The following CCSER1 variants were observed in gnomAD, a reference collection of about 807,000 sequenced individuals.
The protein encoded by CCSER1 is coiled-coil serine rich protein 1.
Under a neutral mutation model 82.0 loss-of-function variants are expected in CCSER1, and 41 were observed. That is an observed-to-expected ratio of 0.50 (90% CI 0.39 to 0.65). The LOEUF (loss-of-function observed/expected upper bound fraction) is 0.65. Among genes scored for constraint, CCSER1 ranks in the 30% least tolerant of loss-of-function variants. CCSER1 has a pLI of 0.00. For synonymous variants in CCSER1, 414 were observed against 383.9 expected (o/e 1.08, Z -0.92); for missense variants, 1,119 against 1,064.2 (o/e 1.05, Z -0.72).
intron 10 of CCSER1, among the ~76,000 whole-genome samples, chr4:91,193,658 C>T (rs541558164): frequency 2.8e-4 from 43 of 152,204 alleles, no homozygotes; most frequent in African/African-American, 8.7e-4. Context: ...TATTATTGTT[C>T]GATCTTGTCA....
chr4:90,928,932 C>G (rs1158225918), intron 9 of CCSER1, among the ~76,000 whole-genome samples: 1 of 152,048 alleles, frequency 6.6e-6, no homozygotes, highest in Non-Finnish European at 1.5e-5. Flanking sequence ...ATACGGTCTA[C>G]CTGAGGGAAC....
intron 4 of CCSER1, among the ~76,000 whole-genome samples, chr4:90,466,232 G>T (rs1763622473): frequency 6.6e-6 from 1 of 152,196 alleles, no homozygotes. Flanking sequence ...TTTAAAAGCA[G>T]AAAGAATGTT....
chr4:90,810,028 T>C (rs1671542761), intron 7 of CCSER1, among the ~76,000 whole-genome samples: 1 of 152,218 alleles, frequency 6.6e-6, no homozygotes, highest in Non-Finnish European at 1.5e-5. Context: ...TTGTTCCTTG[T>C]CAGCTCAGAT....
At chr4:90,136,406 T>TCCC (rs1456347009) in intron 1 of CCSER1, among the ~76,000 whole-genome samples, 1 of 152,172 alleles carries the variant, frequency 6.6e-6, no homozygotes, top group Non-Finnish European at 1.5e-5. Flanking sequence ...CTACTCTAAT[T>TCCC]CAGCCTTTAT....
intron 7 of CCSER1, among the ~76,000 whole-genome samples, chr4:90,739,052 C>T (rs1251090238): frequency 6.6e-6 from 1 of 152,218 alleles, no homozygotes; most frequent in Non-Finnish European, 1.5e-5. Flanking sequence ...CCATAGCCAC[C>T]ACAGCTGTGA....
At chr4:90,809,889 C>T (rs1233633362) in intron 7 of CCSER1, among the ~76,000 whole-genome samples, 2 of 127,858 alleles carry the variant, frequency 1.6e-5, no homozygotes, top group East Asian at 5.1e-4. Context: ...GATACCCTGT[C>T]TCTAAATAAA....
At chr4:91,175,276 T>C (rs551828143) in intron 10 of CCSER1, among the ~76,000 whole-genome samples, 52 of 152,316 alleles carry the variant, frequency 3.4e-4, no homozygotes, top group Non-Finnish European at 5.9e-4. Flanking sequence ...AGTGCCGTAA[T>C]AAACATATGT....
intron 10 of CCSER1, among the ~76,000 whole-genome samples, chr4:91,396,025 C>T (rs1041470022): frequency 6.6e-5 from 10 of 152,060 alleles, no homozygotes; most frequent in Non-Finnish European, 1.3e-4. Flanking sequence ...CTCCCCATAT[C>T]CGTGTATTCA....
intron 8 of CCSER1, among the ~76,000 whole-genome samples, chr4:90,834,584 G>A (rs967677230): frequency 1.3e-5 from 2 of 152,158 alleles, no homozygotes; most frequent in Admixed American, 6.5e-5. Context: ...GCATCATACA[G>A]CTGTATTAAA....
chr4:91,023,229 G>A (rs1740171313), intron 9 of CCSER1, among the ~76,000 whole-genome samples: 1 of 152,090 alleles, frequency 6.6e-6, no homozygotes, highest in Non-Finnish European at 1.5e-5. Context: ...TGGCCATACT[G>A]CCCAAGGTAA....
chr4:90,394,437 G>A (rs1178475514), intron 3 of CCSER1, among the ~76,000 whole-genome samples: 1 of 152,126 alleles, frequency 6.6e-6, no homozygotes, highest in Non-Finnish European at 1.5e-5. Flanking sequence ...ATGGCTGAAA[G>A]ATTTGTAAAT....
intron 9 of CCSER1, among the ~76,000 whole-genome samples, chr4:91,069,397 C>G (rs919601693): frequency 1.2e-4 from 18 of 151,346 alleles, no homozygotes; most frequent in Non-Finnish European, 1.9e-4. Flanking sequence ...ATATTATACT[C>G]AATATATTAA....
At chr4:91,518,441 C>T (rs868796) in intron 10 of CCSER1, among the ~76,000 whole-genome samples, 97,637 of 151,894 alleles carry the variant, frequency 0.64, 31,572 homozygotes, top group East Asian at 0.72. Context: ...TCAGTATTTT[C>T]ACTCCTTCTA....
chr4:91,142,964 T>TA (rs1209866184), intron 10 of CCSER1, among the ~76,000 whole-genome samples: 1 of 70,238 alleles, frequency 1.4e-5, no homozygotes, highest in Non-Finnish European at 3.8e-5. Context: ...CTATTTGAAC[T>TA]CTTTTTTGGT....
At chr4:91,161,540 G>T (rs898503353) in intron 10 of CCSER1, among the ~76,000 whole-genome samples, 2 of 152,136 alleles carry the variant, frequency 1.3e-5, no homozygotes, top group Non-Finnish European at 2.9e-5. Context: ...CATGAGCATG[G>T]AATATTCTTC....
At chr4:90,154,017 C>A (rs1238598849) in intron 1 of CCSER1, among the ~76,000 whole-genome samples, 2 of 152,236 alleles carry the variant, frequency 1.3e-5, no homozygotes, top group East Asian at 1.9e-4. Flanking sequence ...TTAGGTCTAA[C>A]GTTTAAGTCT....
intron 5 of CCSER1, among the ~76,000 whole-genome samples, chr4:90,495,488 C>T (rs746866688): frequency 3.3e-5 from 5 of 152,090 alleles, no homozygotes; most frequent in Non-Finnish European, 7.4e-5. Flanking sequence ...TGCTTTCCTT[C>T]ATTCTTATAG....
chr4:90,701,042 A>G (rs913935541), intron 6 of CCSER1, among the ~76,000 whole-genome samples: 1 of 152,164 alleles, frequency 6.6e-6, no homozygotes, highest in East Asian at 1.9e-4. Context: ...GGTGTTTTAG[A>G]CATGAAGTCC....
At chr4:90,291,240 G>A (rs1286041679) in intron 1 of CCSER1, among the ~76,000 whole-genome samples, 1 of 151,938 alleles carries the variant, frequency 6.6e-6, no homozygotes, top group Non-Finnish European at 1.5e-5. Flanking sequence ...AAATGTTAGT[G>A]CAGCTACTAT....
Sources: gnomAD v4.1 joint callset for allele counts (sites outside exome capture counted in the v4.1 genomes callset) on GRCh38, gnomAD v4.1.1 for gene constraint, MANE v1.5 for transcripts, NCBI Gene and HGNC (gene_info 2026-07-23, HGNC 2026-07-21) for gene names.